NMBR: variants seen among roughly 807,000 people sequenced by gnomAD.
The protein encoded by NMBR is neuromedin B receptor, also known as neuromedin-B receptor.
Under a neutral mutation model 20.5 loss-of-function variants are expected in NMBR, and 16 were observed. That is an observed-to-expected ratio of 0.78 (90% CI 0.53 to 1.19). NMBR has a LOEUF of 1.19. Ranked by LOEUF, NMBR falls within the 50% of genes most tolerant of loss-of-function variation. The pLI, the probability that NMBR is intolerant of heterozygous loss-of-function variation, is 0.00. For missense variants in NMBR, 582 were observed against 499.1 expected (o/e 1.17, Z -1.58); for synonymous variants, 212 against 196.6 (o/e 1.08, Z -0.65).
At chr6:142,079,143 A>AAGAAAGAAAG (rs1172053613) in intron 2 of NMBR, among the ~76,000 whole-genome samples, 2 of 109,470 alleles carry the variant, frequency 1.8e-5, no homozygotes, top group East Asian at 3.8e-4. Flanking sequence ...GAAAGAAAGA[A>AAGAAAGAAAG]AAAGAAGAGA....
intron 1 of NMBR, among the ~76,000 whole-genome samples, chr6:142,134,290 A>C (rs1409213514): frequency 6.6e-6 from 1 of 152,152 alleles, no homozygotes; most frequent in Non-Finnish European, 1.5e-5. Context: ...TAGCTGTCTA[A>C]TAAAATAAAC....
rs186171924 is a variant in NMBR at position 142,131,892 on chromosome 6, T to C, written c.-664+15152A>G. ...AACAATAGCATTCACTACTGTACAA[T>C]GGTAAAAGCCAAAGCACTATTCCTT... On this transcript the variant is annotated intron_variant, in intron 1 of 3. Transcript: ENST00000258042. Among the ~76,000 whole-genome samples, 18 of 152,322 alleles carry C rather than the reference T, an allele frequency of 1.2e-4. No homozygotes were observed. The East Asian group carries it at 2.7e-3, about 23-fold the overall frequency.
chr6:142,088,142 C>G (rs953308541), intron 2 of NMBR, 95 bp downstream of exon 2: 19 of 1,250,938 alleles, frequency 1.5e-5, no homozygotes, highest in Non-Finnish European at 2.1e-5. Context: ...CCTTTCCTTG[C>G]GTCCTTCTGC....
chr6:142,081,909 G>A (rs894261616), intron 2 of NMBR, among the ~76,000 whole-genome samples: 3 of 152,086 alleles, frequency 2.0e-5, no homozygotes, highest in African/African-American at 7.2e-5. Flanking sequence ...GGCATATAAA[G>A]AGAAAAATAA....
chr6:142,085,674 T>A (rs1266549593), intron 2 of NMBR, among the ~76,000 whole-genome samples: 1 of 152,220 alleles, frequency 6.6e-6, no homozygotes. Context: ...CTGACATCAA[T>A]GAAGTGTAGA....
At chr6:142,091,071 T>C (rs1353914997) in intron 1 of NMBR, among the ~76,000 whole-genome samples, 1 of 152,194 alleles carries the variant, frequency 6.6e-6, no homozygotes, top group East Asian at 1.9e-4. Context: ...ATGAATATTT[T>C]AATAATTTTT....
At chr6:142,133,486 T>C (rs1778183899) in intron 1 of NMBR, among the ~76,000 whole-genome samples, 2 of 152,202 alleles carry the variant, frequency 1.3e-5, no homozygotes, top group African/African-American at 2.4e-5. Context: ...GTTAAGATAG[T>C]GTACGGACTG....
chr6:142,090,756 T>TA (rs1198290392), intron 1 of NMBR, among the ~76,000 whole-genome samples: 1 of 151,726 alleles, frequency 6.6e-6, no homozygotes, highest in Non-Finnish European at 1.5e-5. Context: ...CAGAATAAAT[T>TA]ACTAAAGCAA....
chr6:142,139,819 C>A (rs1223057311), intron 1 of NMBR, among the ~76,000 whole-genome samples: 2 of 152,064 alleles, frequency 1.3e-5, no homozygotes, highest in Non-Finnish European at 2.9e-5. Context: ...TGCTATATAT[C>A]AAAATTCATA....
chr6:142,131,859 G>C (rs1778148836), intron 1 of NMBR, among the ~76,000 whole-genome samples: 1 of 152,174 alleles, frequency 6.6e-6, no homozygotes, highest in Non-Finnish European at 1.5e-5. Context: ...ATTGTATACA[G>C]TTGACTAAAC....
chr6:142,132,864 G>GGCTA (rs1293434681), intron 1 of NMBR, among the ~76,000 whole-genome samples: 1 of 151,952 alleles, frequency 6.6e-6, no homozygotes, highest in Non-Finnish European at 1.5e-5. Flanking sequence ...TGGCACTCCT[G>GGCTA]GCTGGCTGGC....
chr6:142,139,419 C>T lies in NMBR; in HGVS notation c.-664+7625G>A, dbSNP rs60156628. Among the ~76,000 whole-genome samples, 320 of 152,280 alleles carry T rather than the reference C, an allele frequency of 2.1e-3. 1 individual carries two copies. The highest frequency in any genetic ancestry group is 7.1e-3 in the African/African-American group (293 of 41,550). On this transcript the variant is annotated intron_variant, in intron 1 of 3. Transcript: ENST00000258042. ...TGAGTATTGTTCCTTTTGATCCTTT[C>T]AATTAGTTCTTTTCCTGTAAAGATA...
intron 1 of NMBR, among the ~76,000 whole-genome samples, chr6:142,109,897 A>G (rs1015986786): frequency 9.2e-5 from 14 of 152,104 alleles, no homozygotes; most frequent in African/African-American, 3.4e-4. Context: ...GGCACCATAT[A>G]TAGATATGAG....
At chr6:142,113,333 A>T (rs962275189) in intron 1 of NMBR, among the ~76,000 whole-genome samples, 1 of 152,190 alleles carries the variant, frequency 6.6e-6, no homozygotes, top group African/African-American at 2.4e-5. Flanking sequence ...TGAAGACTTC[A>T]TTAATAAAAA....
intron 1 of NMBR, among the ~76,000 whole-genome samples, chr6:142,107,326 C>A (rs1332600484): frequency 6.6e-6 from 1 of 152,130 alleles, no homozygotes; most frequent in South Asian, 2.1e-4. Flanking sequence ...CACTGTGGAA[C>A]AATTAATGCC....
chr6:142,092,657 G>A (rs1582842764), intron 1 of NMBR, among the ~76,000 whole-genome samples: 1 of 152,130 alleles, frequency 6.6e-6, no homozygotes, highest in Admixed American at 6.6e-5. Flanking sequence ...GATGAGATGA[G>A]CTCTACCATC....
chr6:142,133,958 C>A, intron 1 of NMBR: 1 of 702,526 alleles, frequency 1.4e-6, no homozygotes, highest in Non-Finnish European at 2.6e-6. Context: ...TGAGGCCTTG[C>A]ACTTCATTTG....
intron 1 of NMBR, among the ~76,000 whole-genome samples, chr6:142,102,216 G>A (rs978509291): frequency 1.3e-5 from 2 of 151,716 alleles, no homozygotes; most frequent in African/African-American, 2.4e-5. Context: ...GTGAATCCCC[G>A]TCTCTACTAA....
At chr6:142,095,394 G>A (rs1777428486) in intron 1 of NMBR, among the ~76,000 whole-genome samples, 1 of 152,156 alleles carries the variant, frequency 6.6e-6, no homozygotes, top group Non-Finnish European at 1.5e-5. Context: ...GGCCTTTTCT[G>A]CATCTATTGA....
Sources: allele counts gnomAD v4.1 joint callset (sites outside exome capture counted in the v4.1 genomes callset), GRCh38; gene constraint gnomAD v4.1.1; transcripts MANE v1.5; gene names NCBI Gene and HGNC (gene_info 2026-07-23, HGNC 2026-07-21).